DOK6: variants seen among roughly 807,000 people sequenced by gnomAD.
The protein encoded by DOK6 is downstream of tyrosine kinase 6.
DOK6 carries 22 observed loss-of-function variants against 44.0 expected under a neutral mutation model. The ratio of observed to expected loss-of-function variants is 0.50; its 90% CI spans 0.36 to 0.71. The LOEUF (loss-of-function observed/expected upper bound fraction) is 0.71. Among genes scored for constraint, DOK6 ranks in the 30% least tolerant of loss-of-function variants. The probability of loss-of-function intolerance (pLI) is 0.00; values close to 1 mark genes in which losing one functional copy is unlikely to be tolerated. For synonymous variants in DOK6, 166 were observed against 145.5 expected (o/e 1.14, Z -1.01); for missense variants, 340 against 416.4 (o/e 0.82, Z 1.60).
intron 5 of DOK6, among the ~76,000 whole-genome samples, chr18:69,725,463 GT>G (rs1373051468): frequency 1.3e-5 from 2 of 152,134 alleles, no homozygotes. Context: ...CCTAAAAAGT[GT>G]GTTCATTTTT....
At chr18:69,437,815 T>TTC (rs1209751489) in intron 1 of DOK6, among the ~76,000 whole-genome samples, 10 of 152,198 alleles carry the variant, frequency 6.6e-5, no homozygotes, top group African/African-American at 2.4e-4. Flanking sequence ...ATTGGTTCAG[T>TTC]TCTAGACCAC....
At chr18:69,666,071 G>A (rs1421872074) in intron 3 of DOK6, among the ~76,000 whole-genome samples, 1 of 152,156 alleles carries the variant, frequency 6.6e-6, no homozygotes, top group Non-Finnish European at 1.5e-5. Context: ...GAGTTGCGAA[G>A]CAGTTGCCTT....
intron 1 of DOK6, among the ~76,000 whole-genome samples, chr18:69,416,743 T>G (rs1174530003): frequency 1.3e-5 from 2 of 152,118 alleles, no homozygotes; most frequent in Admixed American, 1.3e-4. Context: ...GCCCACCTCA[T>G]AGGGCTGTGA....
intron 7 of DOK6, among the ~76,000 whole-genome samples, chr18:69,791,751 C>G (rs1042788039): frequency 1.3e-5 from 2 of 150,944 alleles, no homozygotes; most frequent in African/African-American, 4.9e-5. Flanking sequence ...AGCTTTTTAA[C>G]TTGATGTGAT....
chr18:69,817,839 G>A (rs1981444987), intron 7 of DOK6, among the ~76,000 whole-genome samples: 2 of 152,158 alleles, frequency 1.3e-5, no homozygotes. Flanking sequence ...AGCATCCAGA[G>A]ACCAGTTCAC....
At chr18:69,480,841 C>T (rs1054361986) in intron 1 of DOK6, among the ~76,000 whole-genome samples, 1 of 152,076 alleles carries the variant, frequency 6.6e-6, no homozygotes, top group African/African-American at 2.4e-5. Context: ...TTTTACTTTT[C>T]GGGCAATGGA....
At chr18:69,436,627 C>CAT (rs1568257109) in intron 1 of DOK6, among the ~76,000 whole-genome samples, 1 of 152,124 alleles carries the variant, frequency 6.6e-6, no homozygotes, top group Non-Finnish European at 1.5e-5. Context: ...CATATGTATG[C>CAT]ATGTGTCTTT....
intron 1 of DOK6, among the ~76,000 whole-genome samples, chr18:69,456,484 TC>T (rs1374611555): frequency 1.3e-5 from 2 of 152,324 alleles, no homozygotes; most frequent in East Asian, 3.9e-4. Context: ...ATGATTTCAT[TC>T]TTTTTTATGG....
At chr18:69,764,542 T>C (rs1031131520) in intron 7 of DOK6, among the ~76,000 whole-genome samples, 1 of 152,118 alleles carries the variant, frequency 6.6e-6, no homozygotes, top group South Asian at 2.1e-4. Flanking sequence ...TCCAATTCTC[T>C]CTCCTGCCAC....
chr18:69,783,359 ATAATTT>A (rs1487219169), intron 7 of DOK6, among the ~76,000 whole-genome samples: 6 of 152,266 alleles, frequency 3.9e-5, no homozygotes, highest in Non-Finnish European at 7.3e-5. Context: ...AATGTATCTC[ATAATTT>A]TTATATTGAT....
At chr18:69,686,108 C>T (rs1454689096) in intron 4 of DOK6, among the ~76,000 whole-genome samples, 2 of 151,912 alleles carry the variant, frequency 1.3e-5, no homozygotes, top group African/African-American at 4.8e-5. Context: ...CAGGCAGAGA[C>T]AGAGGGAAAA....
chr18:69,478,351 G>C (rs762735622), intron 1 of DOK6, among the ~76,000 whole-genome samples: 2 of 152,024 alleles, frequency 1.3e-5, no homozygotes, highest in Non-Finnish European at 2.9e-5. Flanking sequence ...ATGTTTTGGG[G>C]CTTGAATTTC....
At chr18:69,568,555 G>T (rs944264899) in intron 2 of DOK6, among the ~76,000 whole-genome samples, 2 of 152,142 alleles carry the variant, frequency 1.3e-5, no homozygotes, top group African/African-American at 4.8e-5. Context: ...AAGCAATATT[G>T]GCCATGGCAA....
At chr18:69,766,168 C>T (rs1244710066) in intron 7 of DOK6, among the ~76,000 whole-genome samples, 14 of 152,148 alleles carry the variant, frequency 9.2e-5, no homozygotes, top group Admixed American at 7.2e-4. Flanking sequence ...GAACAGAAAA[C>T]CAAATACCGC....
In DOK6 at chr18:69,744,259, G is replaced by A. The variant is rs191622303; in HGVS notation, c.738+5156G>A. 6.0e-4 allele frequency among the ~76,000 whole-genome samples: 90 copies of A among 151,070 alleles called. 2 individuals are homozygous for A. In the East Asian group the frequency reaches 0.015, roughly 25 times the overall value. On this transcript the variant is annotated intron_variant, in intron 6 of 7. Coordinates refer to ENST00000382713, the MANE Select transcript of DOK6 (RefSeq NM_152721.6). ...CGGGAGGCGGAGGTTGCAGTGAGCC[G>A]AGATCGCACCATTGCATTCCAGCCT...
intron 7 of DOK6, among the ~76,000 whole-genome samples, chr18:69,764,963 C>T (rs1488976290): frequency 1.3e-5 from 2 of 152,170 alleles, no homozygotes; most frequent in Non-Finnish European, 2.9e-5. Context: ...CACCAGAAGG[C>T]ATTTGACGCT....
At chr18:69,638,648 G>A (rs1255193437) in intron 3 of DOK6, among the ~76,000 whole-genome samples, 1 of 152,114 alleles carries the variant, frequency 6.6e-6, no homozygotes, top group East Asian at 1.9e-4. Flanking sequence ...ATTGGCTTGT[G>A]GTGCTTGTAG....
chr18:69,544,861 T>C (rs1982360535), intron 1 of DOK6, among the ~76,000 whole-genome samples: 1 of 151,548 alleles, frequency 6.6e-6, no homozygotes, highest in Non-Finnish European at 1.5e-5. Flanking sequence ...CCAGGTGCGA[T>C]GGCACACGCC....
At chr18:69,413,842 T>C (rs561599333) in intron 1 of DOK6, among the ~76,000 whole-genome samples, 2 of 151,976 alleles carry the variant, frequency 1.3e-5, no homozygotes, top group South Asian at 4.2e-4. Context: ...TTAAGGACTA[T>C]ACATCTCTGA....
Sources: allele counts gnomAD v4.1 joint callset (sites outside exome capture counted in the v4.1 genomes callset), GRCh38; gene constraint gnomAD v4.1.1; transcripts MANE v1.5; gene names NCBI Gene and HGNC (gene_info 2026-07-23, HGNC 2026-07-21).